Variants in LATS2 observed in about 807,000 individuals in gnomAD.
LATS2 encodes the protein large tumor suppressor kinase 2, also known as serine/threonine-protein kinase LATS2.
In LATS2, 24 loss-of-function variants were observed where a neutral mutation model predicts 76.0. The ratio of observed to expected loss-of-function variants is 0.32; its 90% CI spans 0.23 to 0.44. LATS2 has a LOEUF of 0.44. Ranked by LOEUF, LATS2 falls within the 20% of genes least tolerant of loss-of-function variation. LATS2 has a pLI of 1.00. For missense variants in LATS2, 1,286 were observed against 1,481.2 expected, an observed-to-expected ratio of 0.87 and a Z score of 2.16; for synonymous variants, 692 against 635.4, an observed-to-expected ratio of 1.09 and a Z score of -1.34.
At chr13:20,990,951 C>T (rs768842751) in intron 3 of LATS2, among the ~76,000 whole-genome samples, 20 of 152,240 alleles carry the variant, frequency 1.3e-4, no homozygotes, top group Non-Finnish European at 2.2e-4. Context: ...ACCATTTTTA[C>T]GCCCGCTTTG....
At chr13:21,060,710 C>T (rs1211906969) in intron 1 of LATS2, among the ~76,000 whole-genome samples, 1 of 151,508 alleles carries the variant, frequency 6.6e-6, no homozygotes, top group Admixed American at 6.6e-5. Context: ...TCGACTGCGG[C>T]ACCGCCGTGG....
chr13:21,006,837 G>A (rs972666658), intron 2 of LATS2, among the ~76,000 whole-genome samples: 2 of 152,162 alleles, frequency 1.3e-5, no homozygotes, highest in Admixed American at 6.5e-5. Context: ...GGGGCTCTCC[G>A]TGCCTCCCAC....
At chr13:21,031,133 G>A (rs1348205312) in intron 2 of LATS2, among the ~76,000 whole-genome samples, 1 of 151,996 alleles carries the variant, frequency 6.6e-6, no homozygotes, top group African/African-American at 2.4e-5. Context: ...TCAAGATTTT[G>A]TCTTTATCTT....
In LATS2 at chr13:21,037,911, AG is replaced by A. The variant is rs544018233; in HGVS notation, c.342+7773del. Reference sequence around the variant, plus strand: ...CCGCCAACTCCCAGGCACCATCCTGAGGCCAGAGAAAAGGTTTCCAGAAGGG... The same window carrying A: ...CCGCCAACTCCCAGGCACCATCCTGAGCCAGAGAAAAGGTTTCCAGAAGGG... On this transcript the variant is annotated intron_variant, in intron 2 of 7. Transcript: ENST00000382592. 4.7e-3 allele frequency among the ~76,000 whole-genome samples: 720 copies of A among 152,256 alleles called. 10 individuals are homozygous for A. The highest frequency in any genetic ancestry group is 0.017 in the African/African-American group (689 of 41,528).
At chr13:21,044,318 A>G (rs1872986222) in intron 2 of LATS2, among the ~76,000 whole-genome samples, 1 of 152,132 alleles carries the variant, frequency 6.6e-6, no homozygotes, top group African/African-American at 2.4e-5. Flanking sequence ...AACAAATAAC[A>G]CTGTTAGCCT....
rs1214239235 is a variant in LATS2 at position 21,023,600 on chromosome 13, G to A, written c.342+22085C>T. Among the ~76,000 whole-genome samples the A allele has an allele frequency of 1.0e-4, 14 of 134,800 alleles. No individual in the cohort carries two copies. In the Admixed American group the frequency reaches 1.1e-3, roughly 11 times the overall value. 88.4% of individuals were successfully genotyped at this position (134,800 alleles called of 152,430 possible). On this transcript the variant is annotated intron_variant, in intron 2 of 7. Coordinates refer to ENST00000382592, the MANE Select transcript of LATS2 (RefSeq NM_014572.3). ...CAGCAAGGTCTTAGGATTTCAAAAG[G>A]ATGGGAGGGAGGTCCACCAAATGAC...
At chr13:20,979,133 C>A (rs1241370385) in intron 7 of LATS2, among the ~76,000 whole-genome samples, 1 of 152,190 alleles carries the variant, frequency 6.6e-6, no homozygotes, top group Non-Finnish European at 1.5e-5. Context: ...TGTTCTCTAG[C>A]TTGCTTTATT....
Position 20,983,315 on chromosome 13 carries a change from A to C in LATS2, c.2391T>G (p.Ile797Met). 1 of 1,614,076 alleles carries C rather than the reference A, an allele frequency of 6.2e-7. No homozygotes were observed. Among genetic ancestry groups the C allele is most frequent in the South Asian group, 1.1e-5 (1 of 91,084 alleles). Residue 797 changes from isoleucine (I) to methionine (M), a missense_variant, in exon 5 of 8, where the codon ATT (isoleucine) becomes ATG (methionine). Transcript: ENST00000382592. ...TAATGTGACCATCCAGATCTATCAA[A>C]ATGTTATCAGGCTTGATGTCTCGGT... ...FIHRDIKPDN[I>M]LIDLDGHIKL...
At chr13:21,020,777 G>A (rs897935299) in intron 2 of LATS2, among the ~76,000 whole-genome samples, 13 of 152,176 alleles carry the variant, frequency 8.5e-5, no homozygotes, top group African/African-American at 3.1e-4. Context: ...ACATGGAACA[G>A]GCAACCCCGT....
chr13:20,980,305 G>A (rs575487018), intron 6 of LATS2, among the ~76,000 whole-genome samples: 1 of 152,326 alleles, frequency 6.6e-6, no homozygotes, highest in South Asian at 2.1e-4. Context: ...CCCCTACGGA[G>A]CCGGGCCTTC....
Position 21,045,848 on chromosome 13 carries a change from T to C in LATS2, c.179A>G (p.Gln60Arg), listed in dbSNP as rs1407805872. The change falls in exon 2 of 8, where the codon CAG becomes CGG. Residue 60 changes from glutamine (Q) to arginine (R), a missense_variant. This residue lies in a region of LATS2 where 101 missense variants were observed against 141.4 expected (regional missense o/e 0.71). Transcript: ENST00000382592. ...TGGGGTGGCTCTCATCTGCTGCTGCTGCCTGGTGGCATCTTTGCTCCCCAG... is the reference window on the plus strand; with the variant it reads ...TGGGGTGGCTCTCATCTGCTGCTGCCGCCTGGTGGCATCTTTGCTCCCCAG... ...KVLGSKDATR[Q>R]QQQMRATPKF... 2 of 1,614,222 alleles carry C rather than the reference T, an allele frequency of 1.2e-6. No homozygotes were observed. The highest frequency in any genetic ancestry group is 1.1e-5 in the South Asian group (1 of 91,082).
At chr13:20,993,743 A>T (rs1382499816) in intron 2 of LATS2, among the ~76,000 whole-genome samples, 2 of 152,108 alleles carry the variant, frequency 1.3e-5, no homozygotes, top group Admixed American at 1.3e-4. Flanking sequence ...CTGGGACAGG[A>T]GATAAGACTC....
chr13:21,050,959 G>A (rs989915448), intron 1 of LATS2, among the ~76,000 whole-genome samples: 2 of 152,236 alleles, frequency 1.3e-5, no homozygotes, highest in Non-Finnish European at 2.9e-5. Context: ...GCAGGAAAAG[G>A]CTGAGTCAAA....
At chr13:20,982,697 T>G (rs1391109817) in intron 5 of LATS2, among the ~76,000 whole-genome samples, 1 of 151,660 alleles carries the variant, frequency 6.6e-6, no homozygotes, top group Non-Finnish European at 1.5e-5. Context: ...CCTACTGTCT[T>G]AAAAATATAG....
chr13:21,060,007 C>A (rs997777112), intron 1 of LATS2, among the ~76,000 whole-genome samples: 1 of 152,196 alleles, frequency 6.6e-6, no homozygotes, highest in African/African-American at 2.4e-5. Flanking sequence ...AAGTTAAGTT[C>A]TTTCATGGTG....
chr13:21,023,271 T>C (rs1253061786), intron 2 of LATS2: 1 of 151,976 alleles, frequency 6.6e-6, no homozygotes, highest in Non-Finnish European at 1.5e-5. Flanking sequence ...TCCTTTTTTT[T>C]TTTCTTTTTA....
chr13:20,997,761 C>T (rs1870822052), intron 2 of LATS2, among the ~76,000 whole-genome samples: 1 of 152,236 alleles, frequency 6.6e-6, no homozygotes, highest in Non-Finnish European at 1.5e-5. Context: ...TACCGCTCAG[C>T]TCTTAGCAAG....
Position 20,989,265 on chromosome 13 carries a change from C to T in LATS2, c.515G>A (p.Ser172Asn). The T allele has an allele frequency of 6.2e-7, 1 of 1,614,024 alleles. No individual in the cohort carries two copies. The highest frequency in any genetic ancestry group is 2.2e-5 in the East Asian group (1 of 44,886). ...AAACGAATCGCCGGTTCCTTCGAAG[C>T]TGGGCCTCCGCGTCACTGGGGTTGG... ...LMPTPVTRRP[S>N]FEGTGDSFAS... is the part of the protein sequence containing the mutation. Residue 172 changes from serine to asparagine, a missense_variant, in exon 4 of 8, where the codon AGC becomes AAC. Around this residue, in one of 5 missense-constraint regions of LATS2, gnomAD observed 710 missense variants for 660.9 expected, o/e 1.07. Coordinates refer to ENST00000382592, the MANE Select transcript of LATS2 (RefSeq NM_014572.3).
chr13:21,017,763 T>G (rs1351033557), intron 2 of LATS2, among the ~76,000 whole-genome samples: 1 of 151,908 alleles, frequency 6.6e-6, no homozygotes, highest in Non-Finnish European at 1.5e-5. Context: ...GTAGCTAGAA[T>G]TACAGGCGCC....
Sources: gnomAD v4.1 joint callset for allele counts (sites outside exome capture counted in the v4.1 genomes callset) on GRCh38, gnomAD v4.1.1 for gene constraint, gnomAD v4.1.1 regional missense constraint, MANE v1.5 for transcripts, NCBI Gene and HGNC (gene_info 2026-07-23, HGNC 2026-07-21) for gene names.